The following GRIK2 variants were observed in gnomAD, a reference collection of about 807,000 sequenced individuals.
GRIK2 encodes the protein glutamate receptor ionotropic, kainate 2.
In GRIK2, 32 loss-of-function variants were observed where a neutral mutation model predicts 100.3. The ratio of observed to expected loss-of-function variants is 0.32; its 90% CI spans 0.24 to 0.43. The LOEUF (loss-of-function observed/expected upper bound fraction) is 0.43, where lower values mean the gene tolerates loss of function less well. Ranked by LOEUF, GRIK2 falls within the 20% of genes least tolerant of loss-of-function variation. GRIK2 has a pLI of 1.00. For missense variants in GRIK2, 843 were observed against 1,114.9 expected (o/e 0.76, Z 3.47); for synonymous variants, 417 against 389.4 (o/e 1.07, Z -0.83).
intron 4 of GRIK2, among the ~76,000 whole-genome samples, chr6:101,656,355 G>C (rs548091426): frequency 2.7e-5 from 4 of 149,266 alleles, no homozygotes; most frequent in South Asian, 2.1e-4. Context: ...AAAGGCATAA[G>C]AGAAAAATAT....
chr6:101,889,603 TTC>T, intron 11 of GRIK2, 35 bp from the exon 12 acceptor site: 1 of 1,072,324 alleles, frequency 9.3e-7, no homozygotes, highest in Non-Finnish European at 1.3e-6. Flanking sequence ...CTTTCTTTCT[TTC>T]TTTTTTTTTT....
At chr6:101,922,134 T>C (rs78258950) in intron 12 of GRIK2, among the ~76,000 whole-genome samples, 8,857 of 61,704 alleles carry the variant, frequency 0.14, 1,001 homozygotes, top group African/African-American at 0.32. Context: ...CTTCCTTCCT[T>C]CCTTCCCTCC....
At position 101,553,780 on chromosome 6, in the gene GRIK2, A is replaced by C. The variant is rs192848980; in HGVS notation, c.116-68169A>C. Reference sequence around the variant, plus strand: ...TGCAAGCCATAGGTAAAATTTTAGAAAATTGGAAAGAGTCAGAATTTAAAA... The same window carrying C: ...TGCAAGCCATAGGTAAAATTTTAGACAATTGGAAAGAGTCAGAATTTAAAA... On this transcript the variant is annotated intron_variant, in intron 2 of 16. Transcript: ENST00000369134. Among the ~76,000 whole-genome samples the C allele has an allele frequency of 2.0e-5, 3 of 152,360 alleles. No individual in the cohort carries two copies. The East Asian group carries it at 5.8e-4, about 29-fold the overall frequency.
At chr6:101,893,935 AATGCC>A (rs1787270871) in intron 12 of GRIK2, among the ~76,000 whole-genome samples, 1 of 151,716 alleles carries the variant, frequency 6.6e-6, no homozygotes, top group Non-Finnish European at 1.5e-5. Flanking sequence ...ATTCTGTAAG[AATGCC>A]ATGTATTTTA....
intron 15 of GRIK2, among the ~76,000 whole-genome samples, chr6:102,042,374 ATCTT>A (rs1246746170): frequency 6.6e-6 from 1 of 151,650 alleles, no homozygotes; most frequent in African/African-American, 2.4e-5. Context: ...AACATAAATC[ATCTT>A]TCTTTTTTAG....
At chr6:101,898,060 A>T (rs549365021) in intron 12 of GRIK2, among the ~76,000 whole-genome samples, 2 of 152,004 alleles carry the variant, frequency 1.3e-5, no homozygotes, top group South Asian at 4.1e-4. Flanking sequence ...TATATTTGAG[A>T]ACTATAAAGA....
In GRIK2 at chr6:101,459,675, G is replaced by A. The variant is rs116171993; in HGVS notation, c.115+60283G>A. 5.6e-3 allele frequency among the ~76,000 whole-genome samples: 854 copies of A among 152,208 alleles called. 9 individuals carry two copies. The highest frequency in any genetic ancestry group is 0.019 in the African/African-American group (804 of 41,514). On this transcript the variant is annotated intron_variant, in intron 2 of 16. Transcript: ENST00000369134. Reference sequence around the variant, plus strand: ...CAACAATATTGGACCATTCATGGTGGCTAACGAATGAGTACCGAAATATAA... The same window carrying A: ...CAACAATATTGGACCATTCATGGTGACTAACGAATGAGTACCGAAATATAA...
At chr6:101,530,245 A>G (rs763912809) in intron 2 of GRIK2, among the ~76,000 whole-genome samples, 59 of 152,248 alleles carry the variant, frequency 3.9e-4, no homozygotes, top group Non-Finnish European at 6.9e-4. Context: ...TTGTTTGCAT[A>G]TATTTAAATC....
chr6:101,417,604 C>CT (rs1043522121), intron 2 of GRIK2, among the ~76,000 whole-genome samples: 1 of 152,166 alleles, frequency 6.6e-6, no homozygotes, highest in African/African-American at 2.4e-5. Flanking sequence ...AATCCTAAAT[C>CT]TTAATCACTC....
At chr6:101,930,534 C>T (rs1790202196) in intron 14 of GRIK2, among the ~76,000 whole-genome samples, 1 of 151,694 alleles carries the variant, frequency 6.6e-6, no homozygotes, top group Non-Finnish European at 1.5e-5. Context: ...AATTTGACAC[C>T]AGAAGTGTTT....
At position 102,069,120 on chromosome 6, in the gene GRIK2, C is replaced by T. The variant is rs1010714128; in HGVS notation, c.*609C>T. 14 of 149,774 alleles carry T rather than the reference C, an allele frequency of 9.3e-5. No homozygotes were observed. The highest frequency in any genetic ancestry group is 3.4e-4 in the African/African-American group (14 of 41,082). The allele number at this position is 149,774 out of a possible 1,614,324, so 9.3% of individuals were successfully genotyped here. A position where few individuals can be genotyped will look rare whatever the true frequency, so the allele number is the denominator to read the frequency against. ...AAAGCAGATGTTCATCACTTATTTT[C>T]CTTTTTTCTTTTCTTATTTTTTTTT... On this transcript the variant is annotated 3_prime_UTR_variant, in exon 17 of 17. Coordinates refer to ENST00000369134, the MANE Select transcript of GRIK2 (RefSeq NM_021956.5).
In GRIK2 at chr6:101,965,344, C is replaced by T. The variant is rs115376736; in HGVS notation, c.2085+36712C>T. On this transcript the variant is annotated intron_variant, in intron 14 of 16. Transcript: ENST00000369134. Reference sequence around the variant, plus strand: ...AAACCTTATTTTTTCAATGTCTGCTCATAAAAGCTATCCAATACAATTTAG... The same window carrying T: ...AAACCTTATTTTTTCAATGTCTGCTTATAAAAGCTATCCAATACAATTTAG... 5.6e-3 allele frequency among the ~76,000 whole-genome samples: 852 copies of T among 152,164 alleles called. 9 individuals are homozygous for T. Among genetic ancestry groups the T allele is most frequent in the African/African-American group, 0.02 (813 of 41,504 alleles).
At chr6:102,046,575 G>A (rs527869482) in intron 15 of GRIK2, among the ~76,000 whole-genome samples, 1 of 152,154 alleles carries the variant, frequency 6.6e-6, no homozygotes, top group African/African-American at 2.4e-5. Flanking sequence ...AGTTTCCTGA[G>A]GCCTCCCAGT....
intron 2 of GRIK2, among the ~76,000 whole-genome samples, chr6:101,489,323 G>A (rs1445262370): frequency 6.9e-6 from 1 of 145,836 alleles, no homozygotes; most frequent in Non-Finnish European, 1.5e-5. Context: ...GATATTCCAT[G>A]GGAACTCTCT....
intron 2 of GRIK2, among the ~76,000 whole-genome samples, chr6:101,614,696 G>T (rs520257): frequency 6.6e-6 from 1 of 151,460 alleles, no homozygotes; most frequent in Non-Finnish European, 1.5e-5. Context: ...AAATAAGATT[G>T]GTATAACATT....
At chr6:101,642,277 C>T (rs1386525709) in intron 4 of GRIK2, among the ~76,000 whole-genome samples, 5 of 151,868 alleles carry the variant, frequency 3.3e-5, no homozygotes, top group Non-Finnish European at 5.9e-5. Flanking sequence ...GCCATCTTAA[C>T]CATTTTTAAA....
At chr6:101,660,469 T>A (rs938396618) in intron 4 of GRIK2, among the ~76,000 whole-genome samples, 1 of 152,178 alleles carries the variant, frequency 6.6e-6, no homozygotes, top group African/African-American at 2.4e-5. Flanking sequence ...TGAAGCCTAC[T>A]TCTGTCAATT....
intron 13 of GRIK2, among the ~76,000 whole-genome samples, chr6:101,926,339 A>T (rs1022773043): frequency 3.9e-5 from 6 of 152,034 alleles, no homozygotes; most frequent in African/African-American, 1.4e-4. Flanking sequence ...GAGTAATACA[A>T]GTCACCCAGG....
chr6:101,782,885 G>GTC (rs1779184310), intron 7 of GRIK2, among the ~76,000 whole-genome samples: 3 of 142,698 alleles, frequency 2.1e-5, no homozygotes, highest in Admixed American at 1.4e-4. Flanking sequence ...TTGAGATGGA[G>GTC]TCTCACTGTC....
Sources: gnomAD v4.1 joint callset for allele counts (sites outside exome capture counted in the v4.1 genomes callset) on GRCh38, gnomAD v4.1.1 for gene constraint, MANE v1.5 for transcripts, NCBI Gene and HGNC (gene_info 2026-07-23, HGNC 2026-07-21) for gene names.